Variants in BTG3 observed in about 807,000 individuals in gnomAD.
The protein encoded by BTG3 is BTG anti-proliferation factor 3.
Under a neutral mutation model 25.8 loss-of-function variants are expected in BTG3, and 4 were observed. The observed-to-expected ratio is 0.16, with a 90% confidence interval of 0.08 to 0.36. The LOEUF is 0.36. BTG3 is among the 10% of genes least tolerant of loss of function. BTG3 has a pLI of 1.00. For synonymous variants in BTG3, 107 were observed against 99.9 expected, an observed-to-expected ratio of 1.07 and a Z score of -0.42; for missense variants, 201 against 304.9, an observed-to-expected ratio of 0.66 and a Z score of 2.54.
At chr21:17,604,820 A>G in intron 3 of BTG3, 40 bp downstream of exon 3, 1 of 1,592,106 alleles carries the variant, frequency 6.3e-7, no homozygotes. Flanking sequence ...AATTAGTTCC[A>G]GCATGGTCAT....
At position 17,601,127 on chromosome 21, in the gene BTG3, C is replaced by T. The variant is rs149447755; in HGVS notation, c.312-2303G>A. The stretch of plus-strand genomic sequence containing the variant: ...GCAGTGAGCTGAGATCGCACCACTG[C>T]ACTCCAGCCTGGGCGACAGAGTGAG... On this transcript the variant is annotated intron_variant, in intron 3 of 4. Transcript: ENST00000348354. Among the ~76,000 whole-genome samples, 1,258 of 151,434 alleles carry T rather than the reference C, an allele frequency of 8.3e-3. 22 individuals carry two copies. Among genetic ancestry groups the T allele is most frequent in the African/African-American group, 0.029 (1,179 of 41,168 alleles).
At chr21:17,604,500 G>A (rs1198813222) in intron 3 of BTG3, among the ~76,000 whole-genome samples, 2 of 152,092 alleles carry the variant, frequency 1.3e-5, no homozygotes, top group Non-Finnish European at 2.9e-5. Flanking sequence ...ACCAAAAGTG[G>A]TTATCCAGTA....
At chr21:17,607,406 TAATC>T (rs1256792306) in intron 2 of BTG3, among the ~76,000 whole-genome samples, 1 of 152,284 alleles carries the variant, frequency 6.6e-6, no homozygotes, top group East Asian at 1.9e-4. Flanking sequence ...AAAATTAAGA[TAATC>T]AAGAGATAAG....
chr21:17,610,196 A>G (rs892109427), intron 1 of BTG3, among the ~76,000 whole-genome samples: 27 of 152,222 alleles, frequency 1.8e-4, no homozygotes, highest in African/African-American at 6.3e-4. Context: ...AGCATTGCTA[A>G]TAAGTACAGG....
At chr21:17,605,238 A>C (rs2123465190) in intron 2 of BTG3, 1 of 348,948 alleles carries the variant, frequency 2.9e-6, no homozygotes, top group South Asian at 6.1e-5. Context: ...GGTCTACCTC[A>C]GTCTACCCAG....
At chr21:17,605,033 T>G in intron 2 of BTG3, 36 bp from the exon 3 acceptor site, 1 of 1,603,354 alleles carries the variant, frequency 6.2e-7, no homozygotes, top group Non-Finnish European at 8.5e-7. Context: ...TGGATTTAAA[T>G]GAATTTAATC....
chr21:17,594,406 GACAA>G (rs3074937), intron 4 of BTG3, 74 bp from the exon 5 acceptor site: 607,903 of 1,500,420 alleles, frequency 0.41, 128,168 homozygotes, highest in African/African-American at 0.7. Flanking sequence ...TCTCATTAAA[GACAA>G]ACAAAGTTAC....
intron 2 of BTG3, among the ~76,000 whole-genome samples, chr21:17,606,379 T>TTAACAATATAACAATA (rs1201904106): frequency 6.6e-6 from 1 of 152,170 alleles, no homozygotes; most frequent in Admixed American, 6.5e-5. Flanking sequence ...AGCGTCACCA[T>TTAACAATATAACAATA]TAACAATATA....
intron 3 of BTG3, chr21:17,604,205 G>C: frequency 5.1e-6 from 5 of 977,608 alleles, no homozygotes; most frequent in Non-Finnish European, 6.8e-6. Context: ...CGCTTTGGGA[G>C]GCCAAGGCGG....
intron 2 of BTG3, among the ~76,000 whole-genome samples, chr21:17,605,492 T>C (rs769268064): frequency 1.4e-4 from 21 of 152,222 alleles, no homozygotes; most frequent in Admixed American, 9.2e-4. Flanking sequence ...TTACCTATAA[T>C]TGTTCTATAA....
intron 4 of BTG3, among the ~76,000 whole-genome samples, chr21:17,598,394 T>C (rs1277267029): frequency 6.6e-6 from 1 of 152,222 alleles, no homozygotes; most frequent in Non-Finnish European, 1.5e-5. Flanking sequence ...TTTTCTGAAA[T>C]ATATTTATCC....
At chr21:17,607,389 C>CAA (rs368596539) in intron 2 of BTG3, among the ~76,000 whole-genome samples, 7 of 145,626 alleles carry the variant, frequency 4.8e-5, no homozygotes, top group African/African-American at 1.3e-4. Context: ...TGAAAATATG[C>CAA]AAAAAAAAAA....
At chr21:17,597,935 T>C (rs1269468863) in intron 4 of BTG3, among the ~76,000 whole-genome samples, 1 of 152,166 alleles carries the variant, frequency 6.6e-6, no homozygotes, top group Non-Finnish European at 1.5e-5. Context: ...TAAAAATAGA[T>C]AACCTTTAAA....
intron 1 of BTG3, among the ~76,000 whole-genome samples, chr21:17,610,645 C>CTCAT (rs1180538995): frequency 1.3e-5 from 2 of 152,168 alleles, no homozygotes; most frequent in Non-Finnish European, 2.9e-5. Context: ...ACTCAGTGAG[C>CTCAT]TCATTCATCT....
Position 17,593,989 on chromosome 21 carries a change from C to T in BTG3, c.*104G>A. The T allele has an allele frequency of 7.5e-7, 1 of 1,331,466 alleles. No individual in the cohort carries two copies. Among genetic ancestry groups the T allele is most frequent in the African/African-American group, 1.5e-5 (1 of 66,852 alleles). The allele number at this position is 1,331,466 out of a possible 1,614,324, so 82.5% of individuals were successfully genotyped here. ...ATAAAAATAAGTTTGATGGTTTGGC[C>T]CATCTAACTTCACTACTATTAGTAA... On this transcript the variant is annotated 3_prime_UTR_variant, in exon 5 of 5. Transcript: ENST00000348354.
chr21:17,608,049 G>A (rs1240947876), intron 2 of BTG3, among the ~76,000 whole-genome samples: 1 of 152,152 alleles, frequency 6.6e-6, no homozygotes, highest in African/African-American at 2.4e-5. Context: ...TGAAAACATG[G>A]GGTCATGTAG....
chr21:17,610,025 A>T (rs2123482593), intron 1 of BTG3, among the ~76,000 whole-genome samples: 1 of 152,374 alleles, frequency 6.6e-6, no homozygotes, highest in South Asian at 2.1e-4. Flanking sequence ...ATAAGCTACA[A>T]CATGGGTGAA....
At chr21:17,599,987 G>C (rs2061552340) in intron 3 of BTG3, among the ~76,000 whole-genome samples, 1 of 152,058 alleles carries the variant, frequency 6.6e-6, no homozygotes, top group South Asian at 2.1e-4. Flanking sequence ...AAATTATATT[G>C]CTTACTTCAG....
intron 3 of BTG3, 64 bp downstream of exon 3, chr21:17,604,796 A>G (rs774571517): frequency 2.2e-4 from 342 of 1,566,166 alleles, no homozygotes; most frequent in Middle Eastern, 1.5e-3. Context: ...GCCGTACATG[A>G]CAGAATGTCA....
Sources: gnomAD v4.1 joint callset for allele counts (sites outside exome capture counted in the v4.1 genomes callset) on GRCh38, gnomAD v4.1.1 for gene constraint, MANE v1.5 for transcripts, NCBI Gene and HGNC (gene_info 2026-07-23, HGNC 2026-07-21) for gene names.